The following NAV3 variants were observed in gnomAD, a reference collection of about 807,000 sequenced individuals.
NAV3 encodes neuron navigator 3.
Under a neutral mutation model 244.7 loss-of-function variants are expected in NAV3, and 87 were observed. That is an observed-to-expected ratio of 0.36 (90% CI 0.30 to 0.42). NAV3 has a LOEUF of 0.42. Among genes scored for constraint, NAV3 ranks in the 20% least tolerant of loss-of-function variants. The pLI is 1.00. For synonymous variants in NAV3, 1,126 were observed against 1,042.2 expected (o/e 1.08, Z -1.55); for missense variants, 2,663 against 2,893.3 (o/e 0.92, Z 1.83).
chr12:77,745,837 A>C (rs1374189763), intron 2 of NAV3, among the ~76,000 whole-genome samples: 3 of 152,034 alleles, frequency 2.0e-5, no homozygotes, highest in Non-Finnish European at 4.4e-5. Context: ...AGAAGAATAC[A>C]CTTCCAAAAT....
chr12:77,782,250 C>T (rs889735665), intron 2 of NAV3, among the ~76,000 whole-genome samples: 34 of 151,692 alleles, frequency 2.2e-4, no homozygotes, highest in Middle Eastern at 3.4e-3. Flanking sequence ...CCCCTCTCCC[C>T]GCCTCCAACT....
intron 6 of NAV3, among the ~76,000 whole-genome samples, chr12:77,997,188 A>G (rs1463795112): frequency 7.3e-6 from 1 of 137,504 alleles, no homozygotes; most frequent in Non-Finnish European, 1.5e-5. Context: ...CAGTGGGCTG[A>G]GATTGTGCCA....
intron 12 of NAV3, among the ~76,000 whole-genome samples, chr12:78,094,873 C>A (rs774039443): frequency 6.6e-6 from 1 of 151,464 alleles, no homozygotes; most frequent in Admixed American, 6.6e-5. Context: ...ATGGTGAAAC[C>A]CCGTCTCTAC....
At chr12:77,952,183 T>C (rs992610306) in intron 3 of NAV3, among the ~76,000 whole-genome samples, 1 of 152,140 alleles carries the variant, frequency 6.6e-6, no homozygotes, top group Non-Finnish European at 1.5e-5. Flanking sequence ...GTGGTTTGTC[T>C]TCTCACTCTT....
At chr12:77,708,910 T>A (rs1271214851) in intron 2 of NAV3, among the ~76,000 whole-genome samples, 4 of 152,214 alleles carry the variant, frequency 2.6e-5, no homozygotes, top group Admixed American at 6.5e-5. Flanking sequence ...ACATTGACTT[T>A]GTATCCTGAG....
intron 12 of NAV3, among the ~76,000 whole-genome samples, chr12:78,111,670 C>A (rs1034136339): frequency 4.6e-5 from 7 of 151,896 alleles, no homozygotes; most frequent in Admixed American, 3.9e-4. Flanking sequence ...ATTATATAAC[C>A]ACATTGAAAA....
chr12:78,033,822 T>G (rs1879396671), intron 9 of NAV3, among the ~76,000 whole-genome samples: 1 of 152,188 alleles, frequency 6.6e-6, no homozygotes, highest in Non-Finnish European at 1.5e-5. Context: ...AAGAACCATG[T>G]GATTTAATCT....
At chr12:77,968,257 A>G (rs529706725) in intron 4 of NAV3, among the ~76,000 whole-genome samples, 2 of 152,296 alleles carry the variant, frequency 1.3e-5, no homozygotes, top group East Asian at 1.9e-4. Flanking sequence ...ATTGTAGTTC[A>G]AGGTCAGCAA....
At chr12:78,017,684 C>T (rs1229796433) in intron 8 of NAV3, among the ~76,000 whole-genome samples, 1 of 152,110 alleles carries the variant, frequency 6.6e-6, no homozygotes. Context: ...TTCACTATAT[C>T]TGTCAAAATG....
At chr12:77,833,726 A>G (rs563305946) in intron 1 of NAV3, among the ~76,000 whole-genome samples, 3 of 152,290 alleles carry the variant, frequency 2.0e-5, no homozygotes, top group East Asian at 3.9e-4. Context: ...ATCGAGTCAC[A>G]TGTGGGCTTG....
intron 2 of NAV3, among the ~76,000 whole-genome samples, chr12:77,714,167 A>G (rs867583563): frequency 6.6e-6 from 1 of 152,110 alleles, no homozygotes. Flanking sequence ...AATCTTCCTC[A>G]GAGGTTGGGG....
At chr12:77,743,583 A>C (rs571706449) in intron 2 of NAV3, among the ~76,000 whole-genome samples, 1 of 152,026 alleles carries the variant, frequency 6.6e-6, no homozygotes, top group Non-Finnish European at 1.5e-5. Context: ...GTGGATGAAC[A>C]ATTTGTGATG....
chr12:78,065,125 T>C (rs1413907447), intron 12 of NAV3, among the ~76,000 whole-genome samples: 1 of 152,056 alleles, frequency 6.6e-6, no homozygotes, highest in Admixed American at 6.6e-5. Flanking sequence ...TCCTAGTTCC[T>C]TGAAGTTTCT....
intron 11 of NAV3, among the ~76,000 whole-genome samples, chr12:78,057,910 C>A (rs2137384489): frequency 6.6e-6 from 1 of 152,186 alleles, no homozygotes; most frequent in South Asian, 2.1e-4. Flanking sequence ...GATTTTTTTC[C>A]AAACAATCAT....
chr12:78,181,750 C>T (rs114308370), intron 30 of NAV3, among the ~76,000 whole-genome samples: 241 of 152,060 alleles, frequency 1.6e-3, no homozygotes, highest in African/African-American at 5.5e-3. Flanking sequence ...CACCAGATGA[C>T]GCTTGGAAAC....
intron 9 of NAV3, chr12:78,036,970 A>G (rs1443674355): frequency 1.4e-6 from 1 of 702,818 alleles, no homozygotes; most frequent in African/African-American, 1.7e-5. Flanking sequence ...CTCACCAGTG[A>G]TGGGGAGAGG....
chr12:77,578,886 C>G (rs1332865323), intron 2 of NAV3, among the ~76,000 whole-genome samples: 1 of 148,438 alleles, frequency 6.7e-6, no homozygotes, highest in African/African-American at 2.5e-5. Context: ...CCACGTCCAA[C>G]CTTTATTCTA....
intron 3 of NAV3, among the ~76,000 whole-genome samples, chr12:77,943,447 G>A (rs1890061100): frequency 6.6e-6 from 1 of 152,140 alleles, no homozygotes; most frequent in Admixed American, 6.6e-5. Flanking sequence ...TCTGAAGTTG[G>A]CATGCCTTCA....
chr12:77,629,774 A>G (rs1018711525), intron 2 of NAV3, among the ~76,000 whole-genome samples: 3 of 152,196 alleles, frequency 2.0e-5, no homozygotes, highest in African/African-American at 7.2e-5. Context: ...TCTGCTGAAA[A>G]TGACATTCTG....
Sources: allele counts gnomAD v4.1 joint callset (sites outside exome capture counted in the v4.1 genomes callset), GRCh38; gene constraint gnomAD v4.1.1; transcripts MANE v1.5; gene names NCBI Gene and HGNC (gene_info 2026-07-23, HGNC 2026-07-21).